The following HIVEP2 variants were observed in gnomAD, a reference collection of about 807,000 sequenced individuals.
HIVEP2 encodes HIVEP zinc finger 2.
HIVEP2 carries 14 observed loss-of-function variants against 180.7 expected under a neutral mutation model. The observed-to-expected ratio is 0.08, with a 90% CI of 0.05 to 0.12. The LOEUF is 0.12. Among genes scored for constraint, HIVEP2 ranks in the 10% least tolerant of loss-of-function variants. The probability of loss-of-function intolerance (pLI) is 1.00; values close to 1 mark genes in which losing one functional copy is unlikely to be tolerated. For synonymous variants in HIVEP2, 1,184 were observed against 1,136.4 expected, an observed-to-expected ratio of 1.04 and a Z score of -0.84; for missense variants, 2,579 against 3,008.5, an observed-to-expected ratio of 0.86 and a Z score of 3.34.
At chr6:142,872,877 C>G (rs1020016788) in intron 1 of HIVEP2, among the ~76,000 whole-genome samples, 1 of 152,114 alleles carries the variant, frequency 6.6e-6, no homozygotes, top group Non-Finnish European at 1.5e-5. Flanking sequence ...AGTGTATTAT[C>G]CCAATGGTTA....
At chr6:142,826,257 G>C (rs1774899233) in intron 2 of HIVEP2, among the ~76,000 whole-genome samples, 1 of 152,146 alleles carries the variant, frequency 6.6e-6, no homozygotes, top group South Asian at 2.1e-4. Flanking sequence ...CTTACATCAA[G>C]ACTCTTAAAC....
intron 2 of HIVEP2, among the ~76,000 whole-genome samples, chr6:142,818,762 A>G (rs1426535826): frequency 6.8e-6 from 1 of 147,222 alleles, no homozygotes; most frequent in Non-Finnish European, 1.5e-5. Context: ...AGAAAGAAAG[A>G]AAGAAAGAAA....
chr6:142,941,925 A>T (rs776775535), intron 1 of HIVEP2, among the ~76,000 whole-genome samples: 5 of 152,230 alleles, frequency 3.3e-5, no homozygotes, highest in Non-Finnish European at 5.9e-5. Flanking sequence ...GATGCTGATC[A>T]CATACCAAAA....
At chr6:142,945,211 C>T (rs1196359072), upstream of HIVEP2, 2 of 151,908 alleles carry the variant, frequency 1.3e-5, no homozygotes, top group Non-Finnish European at 2.9e-5. This position sits in a 1 kb window ranked among gnomAD's most constrained non-coding sequence, Gnocchi z 5.5. Flanking sequence ...CGCTCCCGCG[C>T]GGCCCCCTCC....
At chr6:142,831,739 C>T (rs1267009346) in intron 2 of HIVEP2, among the ~76,000 whole-genome samples, 1 of 152,098 alleles carries the variant, frequency 6.6e-6, no homozygotes, top group Non-Finnish European at 1.5e-5. Context: ...TACTCTTTTA[C>T]TTTAAGAGCA....
chr6:142,771,527 G>T lies in HIVEP2; in HGVS notation c.3212C>A (p.Pro1071Gln), dbSNP rs1327649883. ...VSGAAASTVSPSRERKKCFLV... is the reference protein window; with the variant it reads ...VSGAAASTVSQSRERKKCFLV... ...AAAGCATTTCTTCCTCTCCCTGGACGGTGATACCGTGGAGGCTGCTGCTCC... is the reference window on the plus strand; with the variant it reads ...AAAGCATTTCTTCCTCTCCCTGGACTGTGATACCGTGGAGGCTGCTGCTCC... Residue 1071 changes from proline (P) to glutamine (Q), a missense_variant, in exon 5 of 10, where the codon CCG becomes CAG. Pro to Gln is a moderately conservative substitution (Grantham distance 76, BLOSUM62 -1). Coordinates refer to ENST00000367603, the MANE Select transcript of HIVEP2 (RefSeq NM_006734.4). The surrounding 1 kb of genome is among the most constrained non-coding windows in gnomAD (Gnocchi z 5.4). The T allele has an allele frequency of 1.1e-5, 17 of 1,613,856 alleles. No homozygotes were observed. The highest frequency in any genetic ancestry group is 1.4e-5 in the Non-Finnish European group (17 of 1,180,038).
intron 1 of HIVEP2, among the ~76,000 whole-genome samples, chr6:142,910,772 C>T (rs1777382609): frequency 6.6e-6 from 1 of 152,186 alleles, no homozygotes; most frequent in Non-Finnish European, 1.5e-5. Flanking sequence ...TCTCAGATCA[C>T]CGGCAGCAGA....
intron 1 of HIVEP2, among the ~76,000 whole-genome samples, chr6:142,852,329 CT>C (rs534053101): frequency 6.0e-4 from 91 of 152,160 alleles, no homozygotes; most frequent in African/African-American, 2.0e-3. Flanking sequence ...ACAATAAACT[CT>C]TTTTTTCTCT....
At chr6:142,816,874 GT>G (rs1479435187) in intron 2 of HIVEP2, among the ~76,000 whole-genome samples, 106 of 92,894 alleles carry the variant, frequency 1.1e-3, no homozygotes, top group African/African-American at 3.9e-3. Context: ...GCACCAGAGG[GT>G]GTGTGTGTGT....
intron 1 of HIVEP2, among the ~76,000 whole-genome samples, chr6:142,852,020 T>C (rs1775692965): frequency 6.6e-6 from 1 of 152,212 alleles, no homozygotes; most frequent in African/African-American, 2.4e-5. Flanking sequence ...CAGATCATTG[T>C]CCTAATTTAC....
Position 142,896,562 on chromosome 6 carries a change from T to C in HIVEP2, c.-641+48537A>G, listed in dbSNP as rs9403414. Among the ~76,000 whole-genome samples, 1,374 of 152,242 alleles carry C rather than the reference T, an allele frequency of 9.0e-3. 83 individuals are homozygous for C. The East Asian group carries it at 0.17, about 19-fold the overall frequency. On this transcript the variant is annotated intron_variant, in intron 1 of 9. Coordinates refer to ENST00000367603, the MANE Select transcript of HIVEP2 (RefSeq NM_006734.4). ...TGCTCAGCACTCTCTGCCATTTCCT[T>C]CAGAGACAATTCCAAGTGTTCCCCA... is the stretch of plus-strand genomic sequence containing the variant.
chr6:142,823,673 C>A (rs1053084610), intron 2 of HIVEP2, among the ~76,000 whole-genome samples: 1 of 152,194 alleles, frequency 6.6e-6, no homozygotes, highest in Admixed American at 6.5e-5. Flanking sequence ...GCATTTGGAA[C>A]AATTGCACAT....
intron 1 of HIVEP2, among the ~76,000 whole-genome samples, chr6:142,930,447 A>T (rs771021435): frequency 6.6e-6 from 1 of 152,188 alleles, no homozygotes; most frequent in Non-Finnish European, 1.5e-5. Flanking sequence ...CTCTTTATTA[A>T]GTGGCCTTCA....
rs1775557371 is a variant in HIVEP2, at chr6:142,771,966, C to T, written c.2773G>A (p.Glu925Lys). Residue 925 changes from glutamate to lysine, a missense_variant, in exon 5 of 10, where the codon GAG (glutamate) becomes AAG (lysine). Physicochemically the swap from Glu to Lys is moderately conservative, Grantham distance 56. Transcript: ENST00000367603. This position sits in a 1 kb window ranked among gnomAD's most constrained non-coding sequence, Gnocchi z 5.4. ...TCCGCGGGGAGCTGGGAAAGGGTCT[C>T]ACTTCTCTGGGGCCACTGAAATTCT... ...VEEFQWPQRS[E>K]TLSQLPAEKL... The T allele has an allele frequency of 6.2e-7, 1 of 1,614,054 alleles. No homozygotes were observed. The highest frequency in any genetic ancestry group is 1.1e-5 in the South Asian group (1 of 91,088).
chr6:142,772,230 A>C lies in HIVEP2; in HGVS notation c.2509T>G (p.Cys837Gly). The C allele has an allele frequency of 6.2e-7, 1 of 1,614,168 alleles. No homozygotes were observed. Among genetic ancestry groups the C allele is most frequent in the Non-Finnish European group, 8.5e-7 (1 of 1,180,034 alleles). Residue 837 changes from cysteine to glycine, a missense_variant, in exon 5 of 10, where the codon TGT (cysteine) becomes GGT (glycine). Physicochemically the swap from Cys to Gly is radical, Grantham distance 159. This residue lies in a region of HIVEP2 where 524 missense variants were observed against 563.6 expected (regional missense o/e 0.93). Transcript: ENST00000367603. The surrounding 1 kb of genome is among the most constrained non-coding windows in gnomAD (Gnocchi z 4.9). ...GGGGCTTCTGAAATCTCACTGTCAC[A>C]AGTCTCTGAAGGGGAAGGGGCTTTA... Reference protein sequence around the residue: ...QDKAPSPSETCDSEISEAPVS... With the variant: ...QDKAPSPSETGDSEISEAPVS...
rs1360122982 is a variant in HIVEP2 at position 142,770,833 on chromosome 6, G to C, written c.3906C>G (p.Ser1302Arg). The change falls in exon 5 of 10, where the codon AGC (serine) becomes AGG (arginine). Residue 1302 changes from serine (S) to arginine (R), a missense_variant. Coordinates refer to ENST00000367603, the MANE Select transcript of HIVEP2 (RefSeq NM_006734.4). The surrounding 1 kb of genome is among the most constrained non-coding windows in gnomAD (Gnocchi z 4.7). ...NLLPKFPSDQSSKSTETPSEQ... is the reference protein window; with the variant it reads ...NLLPKFPSDQRSKSTETPSEQ... ...CAGAGGGCGTTTCAGTTGACTTACT[G>C]CTCTGGTCTGATGGAAACTTTGGAA... 2 of 1,614,098 alleles carry C rather than the reference G, an allele frequency of 1.2e-6. No homozygotes were observed. The highest frequency in any genetic ancestry group is 1.7e-6 in the Non-Finnish European group (2 of 1,180,048).
At chr6:142,917,829 G>A (rs574142006) in intron 1 of HIVEP2, among the ~76,000 whole-genome samples, 2 of 152,026 alleles carry the variant, frequency 1.3e-5, no homozygotes, top group East Asian at 1.9e-4. Context: ...AGGCTACAGC[G>A]CAGTGGAGCA....
chr6:142,887,658 A>G (rs895985383), intron 1 of HIVEP2, among the ~76,000 whole-genome samples: 1 of 152,214 alleles, frequency 6.6e-6, no homozygotes, highest in Non-Finnish European at 1.5e-5. Flanking sequence ...TACTATCAAC[A>G]GAACAATTGT....
In HIVEP2 at chr6:142,771,494, C is replaced by T. The variant is rs1204928607; in HGVS notation, c.3245G>A (p.Arg1082Gln). ...TGGGGAGCCACTGAAGGAAGCTTGCCGCACCAGAAAGCATTTCTTCCTCTC... is the reference window on the plus strand; with the variant it reads ...TGGGGAGCCACTGAAGGAAGCTTGCTGCACCAGAAAGCATTTCTTCCTCTC... Reference protein sequence around the residue: ...SRERKKCFLVRQASFSGSPEI... With the variant: ...SRERKKCFLVQQASFSGSPEI... The change falls in exon 5 of 10, where the codon CGG (arginine) becomes CAG (glutamine). Residue 1082 changes from arginine (R) to glutamine (Q), a missense_variant. Around this residue, in one of 11 missense-constraint regions of HIVEP2, gnomAD observed 523 missense variants for 577.0 expected, o/e 0.91. Transcript: ENST00000367603. This position sits in a 1 kb window ranked among gnomAD's most constrained non-coding sequence, Gnocchi z 5.4. 1.9e-6 allele frequency: 3 copies of T among 1,613,532 alleles called. No individual in the cohort carries two copies. Among genetic ancestry groups the T allele is most frequent in the Non-Finnish European group, 2.5e-6 (3 of 1,180,042 alleles).
Sources: allele counts gnomAD v4.1 joint callset (sites outside exome capture counted in the v4.1 genomes callset), GRCh38; gene constraint gnomAD v4.1.1; regional missense constraint gnomAD v4.1.1; non-coding constraint Gnocchi (gnomAD v3.1); transcripts MANE v1.5; gene names NCBI Gene and HGNC (gene_info 2026-07-23, HGNC 2026-07-21).